Variants in TGFA observed in about 807,000 individuals in gnomAD.
TGFA encodes protransforming growth factor alpha.
TGFA carries 12 observed loss-of-function variants against 21.7 expected under a neutral mutation model. The observed-to-expected ratio is 0.55, with a 90% CI of 0.35 to 0.90. The LOEUF is 0.90. TGFA is among the 40% of genes least tolerant of loss of function. TGFA has a pLI of 0.01. For missense variants in TGFA, 178 were observed against 210.8 expected, an observed-to-expected ratio of 0.84 and a Z score of 0.96; for synonymous variants, 79 against 88.1, an observed-to-expected ratio of 0.90 and a Z score of 0.58.
chr2:70,518,245 T>C (rs1559131528), intron 1 of TGFA, among the ~76,000 whole-genome samples: 1 of 152,130 alleles, frequency 6.6e-6, no homozygotes, highest in Non-Finnish European at 1.5e-5. Context: ...CCTATTTCTG[T>C]TTAAATAGCT....
chr2:70,538,366 C>T (rs1673035244), intron 1 of TGFA, among the ~76,000 whole-genome samples: 1 of 152,260 alleles, frequency 6.6e-6, no homozygotes, highest in South Asian at 2.1e-4. Context: ...TTTTATAATG[C>T]TATTGCTGCC....
At chr2:70,533,030 T>A (rs1223918025) in intron 1 of TGFA, among the ~76,000 whole-genome samples, 2 of 150,642 alleles carry the variant, frequency 1.3e-5, no homozygotes, top group Non-Finnish European at 2.9e-5. Flanking sequence ...CCCAGCTAAT[T>A]TTTGTATTTT....
intron 1 of TGFA, among the ~76,000 whole-genome samples, chr2:70,527,684 C>T (rs1672680668): frequency 6.6e-6 from 1 of 152,188 alleles, no homozygotes. Context: ...AAACATATCA[C>T]ACCAATGCAG....
intron 2 of TGFA, among the ~76,000 whole-genome samples, chr2:70,469,658 A>T (rs1245349209): frequency 1.3e-5 from 2 of 152,184 alleles, no homozygotes; most frequent in African/African-American, 2.4e-5. Flanking sequence ...ATCCTGATGC[A>T]CACTAATGTT....
chr2:70,453,416 G>C, intron 4 of TGFA, 89 bp from the exon 5 acceptor site: 1 of 1,192,854 alleles, frequency 8.4e-7, no homozygotes, highest in Non-Finnish European at 1.2e-6. Flanking sequence ...CTGCTGGGCA[G>C]CTCCAGCTCT....
At chr2:70,473,472 C>A (rs1008887541) in intron 2 of TGFA, among the ~76,000 whole-genome samples, 3 of 151,472 alleles carry the variant, frequency 2.0e-5, no homozygotes, top group Non-Finnish European at 4.4e-5. Flanking sequence ...TGCTACTGAC[C>A]TTTGCAGAGA....
At chr2:70,483,143 C>T (rs1394980715) in intron 2 of TGFA, among the ~76,000 whole-genome samples, 1 of 152,154 alleles carries the variant, frequency 6.6e-6, no homozygotes, top group East Asian at 1.9e-4. Context: ...AACGTGTATC[C>T]TCTTATACAG....
At chr2:70,540,258 G>T (rs186545803) in intron 1 of TGFA, among the ~76,000 whole-genome samples, 43 of 152,230 alleles carry the variant, frequency 2.8e-4, no homozygotes, top group Middle Eastern at 3.4e-3. Context: ...TATCTTCTTG[G>T]TCCTGAATAT....
At chr2:70,461,435 C>G (rs1670403890) in intron 3 of TGFA, among the ~76,000 whole-genome samples, 1 of 152,244 alleles carries the variant, frequency 6.6e-6, no homozygotes, top group African/African-American at 2.4e-5. Flanking sequence ...GTGGTCAGGT[C>G]TCTTCGGGTG....
chr2:70,553,633 G>T (rs1456086961), intron 1 of TGFA, 95 bp downstream of exon 1: 1 of 1,307,284 alleles, frequency 7.6e-7, no homozygotes, highest in Admixed American at 3.9e-5. Context: ...ACTCTCCCAG[G>T]CGGGCGCAGA....
intron 3 of TGFA, among the ~76,000 whole-genome samples, chr2:70,461,317 G>T (rs1186644933): frequency 6.6e-6 from 1 of 152,178 alleles, no homozygotes; most frequent in Non-Finnish European, 1.5e-5. Flanking sequence ...ACCACCTGCT[G>T]ATGGATCTAT....
rs141673008 is a variant in TGFA at position 70,521,732 on chromosome 2, C to A, written c.41-6820G>T. 1.1e-4 allele frequency among the ~76,000 whole-genome samples: 16 copies of A among 149,238 alleles called. No homozygotes were observed. The South Asian group carries it at 2.1e-3, about 20-fold the overall frequency. Reference sequence around the variant, plus strand: ...CGAATTCAAGCGATTCTTCTGCCTCCGCCTCCCGAGTAGCTGGGACCACAG... The same window carrying A: ...CGAATTCAAGCGATTCTTCTGCCTCAGCCTCCCGAGTAGCTGGGACCACAG... On this transcript the variant is annotated intron_variant, in intron 1 of 5. Transcript: ENST00000295400.
intron 1 of TGFA, among the ~76,000 whole-genome samples, chr2:70,520,218 C>T (rs1002724117): frequency 1.3e-5 from 2 of 152,140 alleles, no homozygotes; most frequent in South Asian, 2.1e-4. Context: ...GGAACTTCAA[C>T]GAAGGGTTTT....
chr2:70,512,509 G>T (rs562345552), intron 2 of TGFA, among the ~76,000 whole-genome samples: 2 of 152,282 alleles, frequency 1.3e-5, no homozygotes, highest in Non-Finnish European at 2.9e-5. Flanking sequence ...AACGCAGCAG[G>T]GGTTCAACTG....
intron 2 of TGFA, among the ~76,000 whole-genome samples, chr2:70,483,567 AG>A (rs1671189822): frequency 6.6e-6 from 1 of 152,222 alleles, no homozygotes; most frequent in African/African-American, 2.4e-5. Context: ...TCTTTTTGAC[AG>A]AAAATATAAA....
chr2:70,457,537 C>T (rs947287114), intron 3 of TGFA, among the ~76,000 whole-genome samples: 16 of 145,664 alleles, frequency 1.1e-4, no homozygotes, highest in Admixed American at 8.8e-4. Flanking sequence ...CTTTGCCAGG[C>T]GGGACTTCTT....
At chr2:70,509,516 G>A (rs766380356) in intron 2 of TGFA, among the ~76,000 whole-genome samples, 9 of 152,030 alleles carry the variant, frequency 5.9e-5, no homozygotes, top group Non-Finnish European at 1.3e-4. Flanking sequence ...ATGAATAATC[G>A]CACTGTAAAT....
intron 1 of TGFA, chr2:70,553,100 C>T: frequency 7.0e-7 from 1 of 1,424,430 alleles, no homozygotes; most frequent in Non-Finnish European, 9.5e-7. Flanking sequence ...GGTTTCGCTC[C>T]TGCCCTCGGC....
intron 4 of TGFA, among the ~76,000 whole-genome samples, chr2:70,455,232 T>G (rs1670194476): frequency 6.6e-6 from 1 of 152,206 alleles, no homozygotes; most frequent in African/African-American, 2.4e-5. Context: ...GAGAAGGATG[T>G]GAGCAGGTTG....
Sources: allele counts gnomAD v4.1 joint callset (sites outside exome capture counted in the v4.1 genomes callset), GRCh38; gene constraint gnomAD v4.1.1; transcripts MANE v1.5; gene names NCBI Gene and HGNC (gene_info 2026-07-23, HGNC 2026-07-21).